Variants in AVP observed in about 807,000 individuals in gnomAD.
AVP encodes the protein vasopressin-neurophysin 2-copeptin.
A neutral mutation model predicts 11.1 loss-of-function variants in AVP; 9 were observed. That is an observed-to-expected ratio of 0.81 (90% confidence interval 0.49 to 1.42). The LOEUF (loss-of-function observed/expected upper bound fraction) is 1.42, where lower values mean the gene tolerates loss of function less well. Among genes scored for constraint, AVP ranks in the 40% most tolerant of loss-of-function variants. AVP has a pLI of 0.00. For synonymous variants in AVP, 106 were observed against 111.3 expected (o/e 0.95, Z 0.30); for missense variants, 206 against 238.5 (o/e 0.86, Z 0.90).
At position 3,083,207 on chromosome 20, in the gene AVP, G is replaced by T. The variant is rs1468193594; in HGVS notation, c.121-29C>A. The T allele has an allele frequency of 4.2e-6, 6 of 1,445,268 alleles. No homozygotes were observed. The highest frequency in any genetic ancestry group is 5.5e-6 in the Non-Finnish European group (6 of 1,099,358). The allele number at this position is 1,445,268 out of a possible 1,614,324, so 89.5% of individuals were successfully genotyped here. A position where few individuals can be genotyped will look rare whatever the true frequency, so the allele number is the denominator to read the frequency against. On this transcript the variant is annotated intron_variant, in intron 1 of 2. Coordinates refer to ENST00000380293, the MANE Select transcript of AVP (RefSeq NM_000490.5). This position sits in a 1 kb window ranked among gnomAD's most constrained non-coding sequence, Gnocchi z 5.4. Reference sequence around the variant, plus strand: ...CGGGGACGGGCGGGGTGAGCGGGAGGAGGGGAGCCGGGAGTCGAGGGGTTG... The same window carrying T: ...CGGGGACGGGCGGGGTGAGCGGGAGTAGGGGAGCCGGGAGTCGAGGGGTTG...
Position 3,082,612 on chromosome 20 carries a change from G to A in AVP, c.*18C>T, listed in dbSNP as rs930095239. On this transcript the variant is annotated 3_prime_UTR_variant, in exon 3 of 3. Coordinates refer to ENST00000380293, the MANE Select transcript of AVP (RefSeq NM_000490.5). This position sits in a 1 kb window ranked among gnomAD's most constrained non-coding sequence, Gnocchi z 4.7. ...AGGGGCGGGCGCGAAGAGCGCGCCGGTGGGGCGAGCGCGGGGCTCAGTAGG... is the reference window on the plus strand; with the variant it reads ...AGGGGCGGGCGCGAAGAGCGCGCCGATGGGGCGAGCGCGGGGCTCAGTAGG... The A allele has an allele frequency of 8.0e-6, 10 of 1,247,918 alleles. No homozygotes were observed. The highest frequency in any genetic ancestry group is 3.2e-5 in the East Asian group (1 of 31,134). The allele number at this position is 1,247,918 out of a possible 1,614,324, so 77.3% of individuals were successfully genotyped here. A position where few individuals can be genotyped will look rare whatever the true frequency, so the allele number is the denominator to read the frequency against.
At chr20:3,084,309 A>G (rs977230856) in intron 1 of AVP, among the ~76,000 whole-genome samples, 2 of 152,138 alleles carry the variant, frequency 1.3e-5, no homozygotes, top group African/African-American at 4.8e-5. Flanking sequence ...ATTTCCCTGC[A>G]TCCCTGTCTG....
rs765019311 is a variant in AVP at position 3,082,716 on chromosome 20, C to A, written c.409G>T (p.Gly137Trp). Residue 137 changes from glycine to tryptophan, a missense_variant, in exon 3 of 3, where the codon GGG (glycine) becomes TGG (tryptophan). Gly to Trp is a radical substitution (Grantham distance 184, BLOSUM62 -2). Around this residue, in one of 2 missense-constraint regions of AVP, gnomAD observed 106 missense variants for 89.2 expected, o/e 1.19. Transcript: ENST00000380293. The surrounding 1 kb of genome is among the most constrained non-coding windows in gnomAD (Gnocchi z 4.7). The part of the protein sequence containing the change: ...SDRSNATQLD[G>W]PAGALLLRLV... ...CGCAGCAGCAAGGCCCCGGCCGGCCCGTCCAGCTGCGTGGCGTTGCTCCGG... is the reference window on the plus strand; with the variant it reads ...CGCAGCAGCAAGGCCCCGGCCGGCCAGTCCAGCTGCGTGGCGTTGCTCCGG... 2.6e-5 allele frequency: 33 copies of A among 1,285,742 alleles called. No individual in the cohort carries two copies. Among genetic ancestry groups the A allele is most frequent in the Admixed American group, 2.0e-4 (5 of 24,610 alleles). 79.6% of individuals were successfully genotyped at this position (1,285,742 alleles called of 1,614,324 possible). A position where few individuals can be genotyped will look rare whatever the true frequency, so the allele number is the denominator to read the frequency against.
In AVP at chr20:3,083,801, C is replaced by G. The variant is rs988214162; in HGVS notation, c.121-623G>C. Among the ~76,000 whole-genome samples the G allele has an allele frequency of 3.3e-5, 5 of 152,176 alleles. No individual in the cohort carries two copies. The highest frequency in any genetic ancestry group is 1.2e-4 in the African/African-American group (5 of 41,434). ...CACGGACACCCAGGTGCCTCAGGAC[C>G]CTAAAGGAGCCTAGCAGGAGGAAGA... On this transcript the variant is annotated intron_variant, in intron 1 of 2. Transcript: ENST00000380293. The surrounding 1 kb of genome is among the most constrained non-coding windows in gnomAD (Gnocchi z 5.4).
chr20:3,083,585 C>A lies in AVP; in HGVS notation c.121-407G>T, dbSNP rs1283676912. Among the ~76,000 whole-genome samples the A allele has an allele frequency of 6.6e-6, 1 of 152,152 alleles. No homozygotes were observed. The highest frequency in any genetic ancestry group is 1.5e-5 in the Non-Finnish European group (1 of 68,020). On this transcript the variant is annotated intron_variant, in intron 1 of 2. Coordinates refer to ENST00000380293, the MANE Select transcript of AVP (RefSeq NM_000490.5). The surrounding 1 kb of genome is among the most constrained non-coding windows in gnomAD (Gnocchi z 5.4). ...CTGCTGCGGCTTGAGCCCGGGCCCA[C>A]CCCCTTCCCCACTACACCATGCGGA...
In AVP at chr20:3,083,205, A is replaced by G. The variant is rs1205294950; in HGVS notation, c.121-27T>C. 5 of 1,446,692 alleles carry G rather than the reference A, an allele frequency of 3.5e-6. No individual in the cohort carries two copies. The African/African-American group carries it at 5.9e-5, about 17-fold the overall frequency. 89.6% of individuals were successfully genotyped at this position (1,446,692 alleles called of 1,614,324 possible). ...TGCGGGGACGGGCGGGGTGAGCGGG[A>G]GGAGGGGAGCCGGGAGTCGAGGGGT... On this transcript the variant is annotated intron_variant, in intron 1 of 2. Transcript: ENST00000380293. The surrounding 1 kb of genome is among the most constrained non-coding windows in gnomAD (Gnocchi z 5.4).
In AVP at chr20:3,082,860, G is replaced by A. The variant is rs1250123219; in HGVS notation, c.323-58C>T. The A allele has an allele frequency of 8.2e-7, 1 of 1,220,412 alleles. No individual in the cohort carries two copies. The allele number at this position is 1,220,412 out of a possible 1,614,324, so 75.6% of individuals were successfully genotyped here. A position where few individuals can be genotyped will look rare whatever the true frequency, so the allele number is the denominator to read the frequency against. On this transcript the variant is annotated intron_variant, in intron 2 of 2. Coordinates refer to ENST00000380293, the MANE Select transcript of AVP (RefSeq NM_000490.5). The surrounding 1 kb of genome is among the most constrained non-coding windows in gnomAD (Gnocchi z 4.7). ...GGGGCGGGCGCAGCTCGGGGTGCGG[G>A]GGGCCCACACCCTCCCTGCCGGGCC...
chr20:3,082,705 C>A lies in AVP; in HGVS notation c.420G>T (p.Gly140=). 1 of 1,290,340 alleles carries A rather than the reference C, an allele frequency of 7.7e-7. No individual in the cohort carries two copies. Among genetic ancestry groups the A allele is most frequent in the Non-Finnish European group, 9.8e-7 (1 of 1,022,110 alleles). The allele number at this position is 1,290,340 out of a possible 1,614,324, so 79.9% of individuals were successfully genotyped here. A position where few individuals can be genotyped will look rare whatever the true frequency, so the allele number is the denominator to read the frequency against. The change falls in exon 3 of 3, where the codon GGG becomes GGT. Residue 140 remains glycine (G), a synonymous_variant. Transcript: ENST00000380293. This position sits in a 1 kb window ranked among gnomAD's most constrained non-coding sequence, Gnocchi z 4.7. ...SNATQLDGPA[G]ALLLRLVQLA... is the part of the protein sequence containing the mutation. ...GCTGCACCAGCCGCAGCAGCAAGGCCCCGGCCGGCCCGTCCAGCTGCGTGG... is the reference window on the plus strand; with the variant it reads ...GCTGCACCAGCCGCAGCAGCAAGGCACCGGCCGGCCCGTCCAGCTGCGTGG...
Position 3,084,623 on chromosome 20 carries a change from A to G in AVP, c.52T>C (p.Ser18Pro). Residue 18 changes from serine to proline, a missense_variant, in exon 1 of 3, where the codon TCC becomes CCC. Ser to Pro is a moderately conservative substitution (Grantham distance 74). This residue lies in a region of AVP where 100 missense variants were observed against 149.3 expected (regional missense o/e 0.67). Coordinates refer to ENST00000380293, the MANE Select transcript of AVP (RefSeq NM_000490.5). ...GGGCAGTTCTGGAAGTAGCACGCGG[A>G]GGAGAAGGCCAGTAGGCCGAGGAAG... The part of the protein sequence containing the change: ...ACFLGLLAFS[S>P]ACYFQNCPRG... The G allele has an allele frequency of 5.6e-6, 9 of 1,613,848 alleles. No homozygotes were observed. The highest frequency in any genetic ancestry group is 7.6e-6 in the Non-Finnish European group (9 of 1,180,028).
chr20:3,084,501 G>C, intron 1 of AVP, 54 bp downstream of exon 1: 2 of 1,611,774 alleles, frequency 1.2e-6, no homozygotes, highest in Non-Finnish European at 1.7e-6. Context: ...CCTGACCCAG[G>C]GTGTCAGCAC....
Position 3,082,903 on chromosome 20 carries a change from C to T in AVP, c.322+74G>A, listed in dbSNP as rs1160623573. 3 of 1,031,992 alleles carry T rather than the reference C, an allele frequency of 2.9e-6. No homozygotes were observed. The highest frequency in any genetic ancestry group is 1.7e-5 in the African/African-American group (1 of 57,184). 63.9% of individuals were successfully genotyped at this position (1,031,992 alleles called of 1,614,324 possible). A position where few individuals can be genotyped will look rare whatever the true frequency, so the allele number is the denominator to read the frequency against. Reference sequence around the variant, plus strand: ...GCCGGGCCCGACGCAGCCCCCACCCCGCCGCAGGCCCGCGTCCCCCCCACC... The same window carrying T: ...GCCGGGCCCGACGCAGCCCCCACCCTGCCGCAGGCCCGCGTCCCCCCCACC... On this transcript the variant is annotated intron_variant, in intron 2 of 2. Coordinates refer to ENST00000380293, the MANE Select transcript of AVP (RefSeq NM_000490.5). The surrounding 1 kb of genome is among the most constrained non-coding windows in gnomAD (Gnocchi z 4.7).
chr20:3,082,668 G>A lies in AVP; in HGVS notation c.457C>T (p.Pro153Ser). 7.8e-7 allele frequency: 1 copy of A among 1,284,402 alleles called. No individual in the cohort carries two copies. Among genetic ancestry groups the A allele is most frequent in the East Asian group, 3.2e-5 (1 of 31,556 alleles). 79.6% of individuals were successfully genotyped at this position (1,284,402 alleles called of 1,614,324 possible). The change falls in exon 3 of 3, where the codon CCC becomes TCC. Residue 153 changes from proline (P) to serine (S), a missense_variant. Transcript: ENST00000380293. This position sits in a 1 kb window ranked among gnomAD's most constrained non-coding sequence, Gnocchi z 4.7. ...GGCTGGGCGGGCTCGAAGGGCTCGG[G>A]CGCCCCGGCCAGCTGCACCAGCCGC... ...LLRLVQLAGA[P>S]EPFEPAQPDA...
rs1600331329 is a variant in AVP, at chr20:3,082,614, G to A, written c.*16C>T. 1 of 1,248,190 alleles carries A rather than the reference G, an allele frequency of 8.0e-7. No individual in the cohort carries two copies. Among genetic ancestry groups the A allele is most frequent in the Non-Finnish European group, 1.0e-6 (1 of 997,800 alleles). 77.3% of individuals were successfully genotyped at this position (1,248,190 alleles called of 1,614,324 possible). A position where few individuals can be genotyped will look rare whatever the true frequency, so the allele number is the denominator to read the frequency against. ...GGGCGGGCGCGAAGAGCGCGCCGGT[G>A]GGGCGAGCGCGGGGCTCAGTAGGCG... On this transcript the variant is annotated 3_prime_UTR_variant, in exon 3 of 3. Coordinates refer to ENST00000380293, the MANE Select transcript of AVP (RefSeq NM_000490.5). The surrounding 1 kb of genome is among the most constrained non-coding windows in gnomAD (Gnocchi z 4.7).
At position 3,082,610 on chromosome 20, in the gene AVP, C is replaced by T; in HGVS notation, c.*20G>A. The stretch of plus-strand genomic sequence containing the variant: ...GCAGGGGCGGGCGCGAAGAGCGCGC[C>T]GGTGGGGCGAGCGCGGGGCTCAGTA... On this transcript the variant is annotated 3_prime_UTR_variant, in exon 3 of 3. Transcript: ENST00000380293. This position sits in a 1 kb window ranked among gnomAD's most constrained non-coding sequence, Gnocchi z 4.7. 1 of 1,245,854 alleles carries T rather than the reference C, an allele frequency of 8.0e-7. No homozygotes were observed. Among genetic ancestry groups the T allele is most frequent in the Non-Finnish European group, 1.0e-6 (1 of 996,260 alleles). The allele number at this position is 1,245,854 out of a possible 1,614,324, so 77.2% of individuals were successfully genotyped here.
rs1206511956 is a variant in AVP at position 3,083,338 on chromosome 20, C to G, written c.121-160G>C. Among the ~76,000 whole-genome samples, 1 of 151,966 alleles carries G rather than the reference C, an allele frequency of 6.6e-6. No homozygotes were observed. Among genetic ancestry groups the G allele is most frequent in the Non-Finnish European group, 1.5e-5 (1 of 67,974 alleles). ...CGCTCGGGCGCCACTGGGCCTCGACCGCGGTCACGGGCGGGGCGTCCAGAT... is the reference window on the plus strand; with the variant it reads ...CGCTCGGGCGCCACTGGGCCTCGACGGCGGTCACGGGCGGGGCGTCCAGAT... On this transcript the variant is annotated intron_variant, in intron 1 of 2. Coordinates refer to ENST00000380293, the MANE Select transcript of AVP (RefSeq NM_000490.5). This position sits in a 1 kb window ranked among gnomAD's most constrained non-coding sequence, Gnocchi z 5.4.
chr20:3,082,944 C>CT lies in AVP; in HGVS notation c.322+32_322+33insA, dbSNP rs1555820197. The CT allele has an allele frequency of 7.7e-7, 1 of 1,291,328 alleles. No individual in the cohort carries two copies. Among genetic ancestry groups the CT allele is most frequent in the Non-Finnish European group, 9.9e-7 (1 of 1,014,064 alleles). 80.0% of individuals were successfully genotyped at this position (1,291,328 alleles called of 1,614,324 possible). On this transcript the variant is annotated intron_variant, in intron 2 of 2. Coordinates refer to ENST00000380293, the MANE Select transcript of AVP (RefSeq NM_000490.5). The surrounding 1 kb of genome is among the most constrained non-coding windows in gnomAD (Gnocchi z 4.7). ...CCCCCCCACCCAAGCGGTCTGCGCCCCCCCCAGCCCCAGGCCCGCCCCCGC... is the reference window on the plus strand; with the variant it reads ...CCCCCCCACCCAAGCGGTCTGCGCCCTCCCCCAGCCCCAGGCCCGCCCCCGC...
chr20:3,082,893 G>GGCCCCC lies in AVP; in HGVS notation c.322+83_322+84insGGGGGC. On this transcript the variant is annotated intron_variant, in intron 2 of 2. Transcript: ENST00000380293. This position sits in a 1 kb window ranked among gnomAD's most constrained non-coding sequence, Gnocchi z 4.7. ...CACCCTCCCTGCCGGGCCCGACGCA[G>GGCCCCC]CCCCCACCCCGCCGCAGGCCCGCGT... 4.2e-6 allele frequency: 5 copies of GGCCCCC among 1,191,542 alleles called. No homozygotes were observed. Among genetic ancestry groups the GGCCCCC allele is most frequent in the South Asian group, 3.4e-5 (1 of 29,036 alleles). The allele number at this position is 1,191,542 out of a possible 1,614,324, so 73.8% of individuals were successfully genotyped here.
intron 1 of AVP, 106 bp downstream of exon 1, chr20:3,084,449 C>T (rs942986158): frequency 3.4e-5 from 54 of 1,587,138 alleles, no homozygotes; most frequent in Non-Finnish European, 4.3e-5. Context: ...CCGAACTTCC[C>T]CTAAAGGCTA....
rs1180534273 is a variant in AVP at position 3,082,919 on chromosome 20, C to T, written c.322+58G>A. 9 of 808,628 alleles carry T rather than the reference C, an allele frequency of 1.1e-5. No homozygotes were observed. Among genetic ancestry groups the T allele is most frequent in the African/African-American group, 2.2e-5 (1 of 45,808 alleles). 50.1% of individuals were successfully genotyped at this position (808,628 alleles called of 1,614,324 possible). A position where few individuals can be genotyped will look rare whatever the true frequency, so the allele number is the denominator to read the frequency against. The stretch of plus-strand genomic sequence containing the variant: ...CCCCCACCCCGCCGCAGGCCCGCGT[C>T]CCCCCCACCCAAGCGGTCTGCGCCC... On this transcript the variant is annotated intron_variant, in intron 2 of 2. Coordinates refer to ENST00000380293, the MANE Select transcript of AVP (RefSeq NM_000490.5). The surrounding 1 kb of genome is among the most constrained non-coding windows in gnomAD (Gnocchi z 4.7).
Sources: gnomAD v4.1 joint callset for allele counts (sites outside exome capture counted in the v4.1 genomes callset) on GRCh38, gnomAD v4.1.1 for gene constraint, gnomAD v4.1.1 regional missense constraint, Gnocchi (gnomAD v3.1) non-coding constraint, MANE v1.5 for transcripts, NCBI Gene and HGNC (gene_info 2026-07-23, HGNC 2026-07-21) for gene names.